The following LZIC variants were observed in gnomAD, a reference collection of about 807,000 sequenced individuals.
The protein encoded by LZIC is leucine zipper and CTNNBIP1 domain containing.
A neutral mutation model predicts 25.4 loss-of-function variants in LZIC; 28 were observed. The ratio of observed to expected loss-of-function variants is 1.10; its 90% CI spans 0.82 to 1.51. The LOEUF is 1.51. LZIC is among the 40% of genes most tolerant of loss of function. The pLI, the probability that LZIC is intolerant of heterozygous loss-of-function variation, is 0.00. For synonymous variants in LZIC, 65 were observed against 70.7 expected (o/e 0.92, Z 0.40); for missense variants, 170 against 211.1 (o/e 0.81, Z 1.21).
rs181222646 is a variant in LZIC at position 9,938,601 on chromosome 1, G to A, written c.-8-1974C>T. On this transcript the variant is annotated intron_variant, in intron 2 of 7. Transcript: ENST00000377223. ...AGGGTCTTGCTCTGTCACCCAGGCTGGAGTGCAGTGGCATGATCATGGCTC... is the reference window on the plus strand; with the variant it reads ...AGGGTCTTGCTCTGTCACCCAGGCTAGAGTGCAGTGGCATGATCATGGCTC... Among the ~76,000 whole-genome samples the A allele has an allele frequency of 7.5e-4, 114 of 152,350 alleles. 2 individuals are homozygous for A. In the East Asian group the frequency reaches 0.02, roughly 27 times the overall value.
At chr1:9,923,102 C>T (rs796175513), downstream of LZIC, among the ~76,000 whole-genome samples, 3 of 152,304 alleles carry the variant, frequency 2.0e-5, no homozygotes, top group African/African-American at 7.2e-5. Context: ...GAATTGTAGG[C>T]TTTTTCCCAC....
chr1:9,939,039 G>A (rs1257210908), intron 2 of LZIC, among the ~76,000 whole-genome samples: 2 of 152,042 alleles, frequency 1.3e-5, no homozygotes, highest in African/African-American at 2.4e-5. Context: ...AGGGTATTAG[G>A]GCAATTGGCT....
At chr1:9,941,349 C>T (rs1310463345) in intron 2 of LZIC, among the ~76,000 whole-genome samples, 3 of 151,972 alleles carry the variant, frequency 2.0e-5, no homozygotes, top group African/African-American at 4.8e-5. Context: ...TGCCCGCCAC[C>T]ACGCTCAGCT....
Position 9,936,565 on chromosome 1 carries a change from G to T in LZIC, c.55C>A (p.Gln19Lys), listed in dbSNP as rs1640466971. ...TSKLKQNLEE[Q>K]LDRLMQQLQD... ...AATTGTTGCATGAGTCTATCCAACTGTTCTTCTAAATTCTGCTTTAATTTG... is the reference window on the plus strand; with the variant it reads ...AATTGTTGCATGAGTCTATCCAACTTTTCTTCTAAATTCTGCTTTAATTTG... Residue 19 changes from glutamine to lysine, a missense_variant, in exon 3 of 8, where the codon CAG becomes AAG. Transcript: ENST00000377223. 2.5e-6 allele frequency: 4 copies of T among 1,613,628 alleles called. No homozygotes were observed. The highest frequency in any genetic ancestry group is 2.5e-6 in the Non-Finnish European group (3 of 1,179,640).
Position 9,934,878 on chromosome 1 carries a change from C to T in LZIC, c.238-18G>A. ...TGAATAGCCTAGAAACACAAGAAGG[C>T]AAAAACTAACCAAAATAGTCCAACA... On this transcript the variant is annotated intron_variant, in intron 4 of 7. Transcript: ENST00000377223. The T allele has an allele frequency of 6.4e-7, 1 of 1,558,070 alleles. No homozygotes were observed. The highest frequency in any genetic ancestry group is 8.8e-7 in the Non-Finnish European group (1 of 1,130,492).
chr1:9,924,649 C>T (rs557160096), downstream of LZIC, among the ~76,000 whole-genome samples: 7 of 152,216 alleles, frequency 4.6e-5, no homozygotes, highest in Non-Finnish European at 1.0e-4. Flanking sequence ...CCACCGTGCC[C>T]GGCCTAATTT....
At chr1:9,924,235 GT>G (rs1277268352), downstream of LZIC, among the ~76,000 whole-genome samples, 36 of 152,216 alleles carry the variant, frequency 2.4e-4, no homozygotes, top group African/African-American at 8.4e-4. Context: ...CTTTCTCACT[GT>G]AAAACAAACC....
rs1319271703 is a variant in LZIC at position 9,927,082 on chromosome 1, G to A, written c.*3317C>T. Among the ~76,000 whole-genome samples, 1 of 152,128 alleles carries A rather than the reference G, an allele frequency of 6.6e-6. No homozygotes were observed. The highest frequency in any genetic ancestry group is 2.4e-5 in the African/African-American group (1 of 41,416). On this transcript the variant is annotated 3_prime_UTR_variant, in exon 8 of 8. Transcript: ENST00000377223. ...TATCCTCATTGAATAGAAGAGAAAA[G>A]GAGGCTCAAAAAAATTAAGTAACCC...
chr1:9,942,073 C>T (rs1260364291), intron 2 of LZIC, among the ~76,000 whole-genome samples: 4 of 152,106 alleles, frequency 2.6e-5, no homozygotes, highest in African/African-American at 9.7e-5. Context: ...TGCGTCACCA[C>T]ATCTGGCTAA....
chr1:9,932,658 G>A, intron 6 of LZIC, 145 bp downstream of exon 6: 1 of 530,884 alleles, frequency 1.9e-6, no homozygotes, highest in Non-Finnish European at 3.3e-6. Flanking sequence ...ACTCCAGCCT[G>A]GGCAACAAGA....
intron 6 of LZIC, 22 bp from the exon 7 acceptor site, chr1:9,931,994 C>A: frequency 6.3e-7 from 1 of 1,583,972 alleles, no homozygotes. Context: ...GAAACAAAGT[C>A]CAGTTGAGTG....
At position 9,935,568 on chromosome 1, in the gene LZIC, C is replaced by T. The variant is rs778990585; in HGVS notation, c.161G>A (p.Ser54Asn). 1.9e-6 allele frequency: 3 copies of T among 1,612,264 alleles called. No individual in the cohort carries two copies. Among genetic ancestry groups the T allele is most frequent in the South Asian group, 1.1e-5 (1 of 90,564 alleles). The change falls in exon 4 of 8, where the codon AGT (serine) becomes AAT (asparagine). Residue 54 changes from serine to asparagine, a missense_variant. By Grantham distance (46) the Ser-to-Asn change is conservative. Transcript: ENST00000377223. ...TTTCTTTAGTGAATCATTAAATTCA[C>T]TTAGTTGCTCCAGAGTTTCCTTTTT... ...ETKKETLEQLSEFNDSLKKIM... is the reference protein window; with the variant it reads ...ETKKETLEQLNEFNDSLKKIM...
At chr1:9,940,804 T>G (rs1273933282) in intron 2 of LZIC, among the ~76,000 whole-genome samples, 1 of 152,206 alleles carries the variant, frequency 6.6e-6, no homozygotes, top group African/African-American at 2.4e-5. Context: ...CATAAACAAG[T>G]ATTATACCCA....
At chr1:9,926,037 G>A (rs1409336552), downstream of LZIC, among the ~76,000 whole-genome samples, 1 of 151,742 alleles carries the variant, frequency 6.6e-6, no homozygotes. Context: ...GGGACTACAG[G>A]CGCCCGCCAC....
In LZIC at chr1:9,941,189, G is replaced by A. The variant is rs66467678; in HGVS notation, c.-9+1435C>T. 3.5e-5 allele frequency among the ~76,000 whole-genome samples: 4 copies of A among 114,566 alleles called. No individual in the cohort carries two copies. The Admixed American group carries it at 3.7e-4, about 11-fold the overall frequency. The allele number at this position is 114,566 out of a possible 152,430, so 75.2% of individuals were successfully genotyped here. The stretch of plus-strand genomic sequence containing the variant: ...TACCTTTTCTTTCTTTCGTTCGTTC[G>A]TTCTTTCTTTCCTCTTTCTTTTTTT... On this transcript the variant is annotated intron_variant, in intron 2 of 7. Coordinates refer to ENST00000377223, the MANE Select transcript of LZIC (RefSeq NM_032368.5).
rs562554046 is a variant in LZIC, at chr1:9,935,343, G to A, written c.237+149C>T. 3.8e-4 allele frequency: 261 copies of A among 691,220 alleles called. No homozygotes were observed. The highest frequency in any genetic ancestry group is 3.0e-3 in the African/African-American group (165 of 54,560). The allele number at this position is 691,220 out of a possible 1,614,324, so 42.8% of individuals were successfully genotyped here. ...CTCAGGAGGCTGAGTAAGGAGAATC[G>A]CTTGAACCTGGGAGGCGGAGGTTGC... On this transcript the variant is annotated intron_variant, in intron 4 of 7. Coordinates refer to ENST00000377223, the MANE Select transcript of LZIC (RefSeq NM_032368.5).
downstream of LZIC, among the ~76,000 whole-genome samples, chr1:9,923,285 T>C (rs565436615): frequency 6.6e-6 from 1 of 152,176 alleles, no homozygotes. Context: ...CTTGGCTCAC[T>C]GCAACCTCCG....
intron 5 of LZIC, among the ~76,000 whole-genome samples, 184 bp downstream of exon 5, chr1:9,934,578 G>A (rs141367492): frequency 3.8e-4 from 58 of 152,286 alleles, no homozygotes; most frequent in African/African-American, 1.3e-3. Flanking sequence ...TTAAACTGCC[G>A]TATATTGTTT....
chr1:9,942,772 G>A lies in LZIC; in HGVS notation c.-157C>T. ...AAGGCTCAAAGTTCAAACCACCTCGGGGTGGAGATGCTGGAAAAAAGGAAA... is the reference window on the plus strand; with the variant it reads ...AAGGCTCAAAGTTCAAACCACCTCGAGGTGGAGATGCTGGAAAAAAGGAAA... On this transcript the variant is annotated 5_prime_UTR_variant, in exon 2 of 8. Coordinates refer to ENST00000377223, the MANE Select transcript of LZIC (RefSeq NM_032368.5). 1 of 1,014,280 alleles carries A rather than the reference G, an allele frequency of 9.9e-7. No homozygotes were observed. Among genetic ancestry groups the A allele is most frequent in the Non-Finnish European group, 1.4e-6 (1 of 737,778 alleles). The allele number at this position is 1,014,280 out of a possible 1,614,324, so 62.8% of individuals were successfully genotyped here. A position where few individuals can be genotyped will look rare whatever the true frequency, so the allele number is the denominator to read the frequency against.
Sources: gnomAD v4.1 joint callset for allele counts (sites outside exome capture counted in the v4.1 genomes callset) on GRCh38, gnomAD v4.1.1 for gene constraint, MANE v1.5 for transcripts, NCBI Gene and HGNC (gene_info 2026-07-23, HGNC 2026-07-21) for gene names.